Variants in ELP4 observed in about 807,000 individuals in gnomAD.
The protein encoded by ELP4 is elongator acetyltransferase complex subunit 4.
In ELP4, 51 loss-of-function variants were observed where a neutral mutation model predicts 48.9. That is an observed-to-expected ratio of 1.04 (90% confidence interval 0.83 to 1.32). ELP4 has a LOEUF of 1.32. ELP4 is among the 40% of genes most tolerant of loss of function. ELP4 has a pLI of 0.00. For synonymous variants in ELP4, 210 were observed against 189.2 expected (o/e 1.11, Z -0.90); for missense variants, 519 against 514.6 (o/e 1.01, Z -0.08).
intron 3 of ELP4, among the ~76,000 whole-genome samples, chr11:31,552,472 C>T (rs1956868467): frequency 6.6e-6 from 1 of 152,102 alleles, no homozygotes; most frequent in Non-Finnish European, 1.5e-5. Context: ...ATGTTCAAAA[C>T]CAAACTCCTG....
chr11:31,552,412 G>A (rs147181791), intron 3 of ELP4, among the ~76,000 whole-genome samples: 2 of 151,984 alleles, frequency 1.3e-5, no homozygotes, highest in African/African-American at 2.4e-5. Flanking sequence ...TGTATATCCA[G>A]CTCCCTACAG....
At chr11:31,548,893 T>C (rs7480207) in intron 3 of ELP4, among the ~76,000 whole-genome samples, 97,639 of 146,822 alleles carry the variant, frequency 0.67, 33,210 homozygotes, top group African/African-American at 0.89. Context: ...GGAAAGGATT[T>C]CCTATTTAAT....
intron 2 of ELP4, among the ~76,000 whole-genome samples, chr11:31,525,680 G>T (rs502794): frequency 0.64 from 96,994 of 151,900 alleles, 32,759 homozygotes; most frequent in African/African-American, 0.87. Flanking sequence ...TACCTACTTG[G>T]AGAATTCACA....
intron 9 of ELP4, among the ~76,000 whole-genome samples, chr11:31,727,193 T>G (rs1263862666): frequency 6.6e-6 from 1 of 151,336 alleles, no homozygotes; most frequent in Non-Finnish European, 1.5e-5. Context: ...ATATGTAGAG[T>G]TTTTATTTGG....
chr11:31,623,015 C>A (rs1944654410), intron 5 of ELP4, among the ~76,000 whole-genome samples: 1 of 145,364 alleles, frequency 6.9e-6, no homozygotes, highest in South Asian at 2.3e-4. Context: ...ATTGTAGAAT[C>A]TCAAAATAGA....
In ELP4 at chr11:31,510,010, C is replaced by A; in HGVS notation, c.223+3C>A. The stretch of plus-strand genomic sequence containing the variant: ...CCCAGCCCTAGACCAGCTCTTAGGT[C>A]GGTTCAGAGCGGAGATCTGGGCTCA... On this transcript the variant is annotated splice_donor_region_variant and intron_variant, in intron 1 of 9. Coordinates refer to ENST00000640961, the MANE Select transcript of ELP4 (RefSeq NM_019040.5). 1 of 1,607,050 alleles carries A rather than the reference C, an allele frequency of 6.2e-7. No homozygotes were observed. The highest frequency in any genetic ancestry group is 8.5e-7 in the Non-Finnish European group (1 of 1,176,696).
chr11:31,683,009 A>G (rs932071164), intron 9 of ELP4, among the ~76,000 whole-genome samples: 10 of 152,270 alleles, frequency 6.6e-5, no homozygotes, highest in Admixed American at 4.6e-4. Flanking sequence ...GAATCAGTAT[A>G]TTTGGTACTA....
At chr11:31,753,605 GT>G (rs1453628620) in intron 9 of ELP4, among the ~76,000 whole-genome samples, 1 of 152,164 alleles carries the variant, frequency 6.6e-6, no homozygotes, top group Non-Finnish European at 1.5e-5. Context: ...TACCGTGGAT[GT>G]TTTTTGACCA....
At chr11:31,594,594 A>G (rs1957641792) in intron 3 of ELP4, among the ~76,000 whole-genome samples, 176 bp from the exon 4 acceptor site, 1 of 152,106 alleles carries the variant, frequency 6.6e-6, no homozygotes, top group Non-Finnish European at 1.5e-5. Context: ...AAATGTTTGT[A>G]TTATACTTGT....
chr11:31,708,480 A>G (rs891878872), intron 9 of ELP4, among the ~76,000 whole-genome samples: 2 of 152,170 alleles, frequency 1.3e-5, no homozygotes, highest in African/African-American at 4.8e-5. Flanking sequence ...GTAACACCTC[A>G]TTCCCTGGCC....
At chr11:31,698,873 T>G (rs748128050) in intron 9 of ELP4, among the ~76,000 whole-genome samples, 1 of 152,146 alleles carries the variant, frequency 6.6e-6, no homozygotes, top group Non-Finnish European at 1.5e-5. Context: ...TCAAAATACA[T>G]ATTACCATGG....
intron 4 of ELP4, among the ~76,000 whole-genome samples, chr11:31,597,431 G>A (rs1222220897): frequency 6.6e-6 from 1 of 152,172 alleles, no homozygotes; most frequent in Admixed American, 6.5e-5. Flanking sequence ...TATGAGTTAA[G>A]TGATAGAAAT....
chr11:31,648,018 T>C, intron 8 of ELP4, 169 bp downstream of exon 8: 1 of 520,800 alleles, frequency 1.9e-6, no homozygotes, highest in Non-Finnish European at 3.5e-6. Flanking sequence ...ATTACCCAAC[T>C]ACATTAAGAC....
chr11:31,662,453 G>C (rs1945581311), intron 9 of ELP4: 2 of 395,162 alleles, frequency 5.1e-6, no homozygotes, highest in Non-Finnish European at 8.9e-6. Flanking sequence ...CCATGTTGTT[G>C]TTGTTGTTGT....
At chr11:31,531,308 A>G (rs1956392172) in intron 2 of ELP4, among the ~76,000 whole-genome samples, 1 of 152,230 alleles carries the variant, frequency 6.6e-6, no homozygotes, top group Non-Finnish European at 1.5e-5. Context: ...TTAATTCTAC[A>G]AATATTAAGT....
At chr11:31,553,351 C>CATTTAATT (rs1956880848) in intron 3 of ELP4, among the ~76,000 whole-genome samples, 1 of 152,094 alleles carries the variant, frequency 6.6e-6, no homozygotes, top group African/African-American at 2.4e-5. Context: ...ATTTGGTAGA[C>CATTTAATT]TGAGTAAAGT....
chr11:31,746,899 A>T (rs1038831905), intron 9 of ELP4, among the ~76,000 whole-genome samples: 6 of 149,300 alleles, frequency 4.0e-5, no homozygotes, highest in East Asian at 2.0e-4. Flanking sequence ...AATAATAATA[A>T]TTTTTTTAAA....
intron 9 of ELP4, among the ~76,000 whole-genome samples, chr11:31,657,400 C>A (rs964112): frequency 0.3 from 46,099 of 151,816 alleles, 8,591 homozygotes; most frequent in East Asian, 0.45. Flanking sequence ...TTATAATTGT[C>A]CATTAGTTTA....
rs530931929 is a variant in ELP4 at position 31,789,093 on chromosome 11, G to A, written c.*5569G>A. On this transcript the variant is annotated 3_prime_UTR_variant, in exon 10 of 10. Coordinates refer to ENST00000640961, the MANE Select transcript of ELP4 (RefSeq NM_019040.5). ...TCTAGATGCACAAAATGATTGGACC[G>A]TGAACAGTAATACAACTATATCTAA... is the stretch of plus-strand genomic sequence containing the variant. The A allele has an allele frequency of 3.1e-4, 62 of 201,840 alleles. 1 individual carries two copies. Among genetic ancestry groups the A allele is most frequent in the Admixed American group, 1.0e-3 (17 of 16,702 alleles). The allele number at this position is 201,840 out of a possible 1,614,324, so 12.5% of individuals were successfully genotyped here. A position where few individuals can be genotyped will look rare whatever the true frequency, so the allele number is the denominator to read the frequency against.
Sources: gnomAD v4.1 joint callset for allele counts (sites outside exome capture counted in the v4.1 genomes callset) on GRCh38, gnomAD v4.1.1 for gene constraint, MANE v1.5 for transcripts, NCBI Gene and HGNC (gene_info 2026-07-23, HGNC 2026-07-21) for gene names.